Variants in RIMS1 observed in about 807,000 individuals in gnomAD.
The protein encoded by RIMS1 is regulating synaptic membrane exocytosis protein 1.
RIMS1 carries 83 observed loss-of-function variants against 214.1 expected under a neutral mutation model. The ratio of observed to expected loss-of-function variants is 0.39; its 90% CI spans 0.32 to 0.47. The LOEUF (loss-of-function observed/expected upper bound fraction) is 0.47. RIMS1 is among the 20% of genes least tolerant of loss of function. The pLI is 0.99. For missense variants in RIMS1, 2,050 were observed against 2,161.8 expected (o/e 0.95, Z 1.03); for synonymous variants, 793 against 786.8 (o/e 1.01, Z -0.13).
intron 1 of RIMS1, among the ~76,000 whole-genome samples, chr6:71,941,537 G>A (rs564656050): frequency 3.6e-4 from 55 of 152,216 alleles, no homozygotes; most frequent in African/African-American, 1.2e-3. Context: ...GGTCTAATAT[G>A]CAGGGTTTTC....
chr6:72,268,737 C>T (rs757012985), intron 22 of RIMS1, among the ~76,000 whole-genome samples: 1 of 152,038 alleles, frequency 6.6e-6, no homozygotes, highest in African/African-American at 2.4e-5. Context: ...GAAAGGAAAC[C>T]GTTTTAGTTT....
intron 27 of RIMS1, among the ~76,000 whole-genome samples, chr6:72,313,188 ATG>A (rs1434129592): frequency 6.6e-6 from 1 of 152,210 alleles, no homozygotes; most frequent in Non-Finnish European, 1.5e-5. Flanking sequence ...AGAGAAGCGT[ATG>A]TACTAGAAAA....
chr6:72,274,235 A>G (rs1191449619), intron 22 of RIMS1, 114 bp from the exon 23 acceptor site: 1 of 606,110 alleles, frequency 1.6e-6, no homozygotes, highest in Admixed American at 2.6e-5. Flanking sequence ...GGAGCAAAGA[A>G]TCTACACTTT....
chr6:72,161,805 C>T (rs4624836), intron 4 of RIMS1, among the ~76,000 whole-genome samples: 1 of 139,166 alleles, frequency 7.2e-6, no homozygotes, highest in African/African-American at 2.5e-5. Flanking sequence ...GCTTTACTTC[C>T]AACTATGTGG....
intron 4 of RIMS1, among the ~76,000 whole-genome samples, chr6:72,100,695 C>A (rs1216017405): frequency 2.6e-5 from 2 of 75,472 alleles, no homozygotes; most frequent in Non-Finnish European, 3.6e-5. Context: ...ATGAATTACA[C>A]CTTCATTTGG....
intron 2 of RIMS1, among the ~76,000 whole-genome samples, chr6:72,033,281 C>A (rs1239246198): frequency 1.3e-5 from 2 of 152,198 alleles, no homozygotes; most frequent in African/African-American, 4.8e-5. Flanking sequence ...AGTATGCTGA[C>A]CTCAGTGGCA....
intron 4 of RIMS1, among the ~76,000 whole-genome samples, chr6:72,121,056 C>G (rs1587507447): frequency 6.6e-6 from 1 of 151,806 alleles, no homozygotes; most frequent in Admixed American, 6.6e-5. Flanking sequence ...GTTACTGTAG[C>G]CTTGTAGTAT....
At chr6:71,956,904 C>T (rs918478231) in intron 1 of RIMS1, among the ~76,000 whole-genome samples, 6 of 152,118 alleles carry the variant, frequency 3.9e-5, no homozygotes, top group Non-Finnish European at 5.9e-5. Context: ...CAAATCCCAG[C>T]TCTGTAGGTC....
chr6:71,936,183 C>T (rs1210578404), intron 1 of RIMS1, among the ~76,000 whole-genome samples: 1 of 151,340 alleles, frequency 6.6e-6, no homozygotes, highest in African/African-American at 2.4e-5. Context: ...AAAAATTAGC[C>T]GGGCGTGGTA....
At chr6:72,048,558 T>A (rs1823723424) in intron 2 of RIMS1, among the ~76,000 whole-genome samples, 1 of 152,210 alleles carries the variant, frequency 6.6e-6, no homozygotes, top group African/African-American at 2.4e-5. Context: ...AAAAAAAGTT[T>A]GAGAAAAGAC....
chr6:71,905,509 G>A (rs1774998697), intron 1 of RIMS1, among the ~76,000 whole-genome samples: 1 of 152,088 alleles, frequency 6.6e-6, no homozygotes, highest in African/African-American at 2.4e-5. Flanking sequence ...ATGTAGGAGA[G>A]CACATGGAAT....
chr6:72,081,328 G>A (rs1254180755), intron 2 of RIMS1, among the ~76,000 whole-genome samples: 1 of 152,136 alleles, frequency 6.6e-6, no homozygotes, highest in African/African-American at 2.4e-5. Context: ...TGTTGACTTG[G>A]AATTAGATCA....
chr6:72,064,327 AAGAAAG>A (rs966824922), intron 2 of RIMS1, among the ~76,000 whole-genome samples: 41 of 128,970 alleles, frequency 3.2e-4, no homozygotes, highest in Middle Eastern at 3.8e-3. Flanking sequence ...GAAAGAAAGA[AAGAAAG>A]AGAGAGAGAG....
At chr6:72,147,363 G>A (rs897806118) in intron 4 of RIMS1, among the ~76,000 whole-genome samples, 6 of 152,134 alleles carry the variant, frequency 3.9e-5, no homozygotes, top group African/African-American at 1.4e-4. Context: ...TTGGATTACT[G>A]GCCTCAGGGT....
chr6:71,954,097 C>G lies in RIMS1; in HGVS notation c.165-14886C>G, dbSNP rs192173039. On this transcript the variant is annotated intron_variant, in intron 1 of 33. Coordinates refer to ENST00000521978, the MANE Select transcript of RIMS1 (RefSeq NM_014989.7). ...TTTCTAATTAAAATAATTTTTAAAG[C>G]CTTTGGTATGAGATGTTGCTGTTAG... 8.0e-4 allele frequency among the ~76,000 whole-genome samples: 122 copies of G among 152,062 alleles called. No homozygotes were observed. In the East Asian group the frequency reaches 0.019, roughly 24 times the overall value.
At chr6:72,100,124 C>A in intron 4 of RIMS1, 138 bp downstream of exon 4, 1 of 688,094 alleles carries the variant, frequency 1.5e-6, no homozygotes, top group Non-Finnish European at 2.4e-6. Context: ...TTCCAGCTCT[C>A]ATGAAAAAAA....
chr6:72,193,452 T>C (rs899819975), intron 6 of RIMS1, among the ~76,000 whole-genome samples: 2 of 152,178 alleles, frequency 1.3e-5, no homozygotes, highest in African/African-American at 4.8e-5. Context: ...ATCTCAGCCT[T>C]TACAAAATGA....
At chr6:71,925,171 C>T (rs1781240579) in intron 1 of RIMS1, among the ~76,000 whole-genome samples, 2 of 152,158 alleles carry the variant, frequency 1.3e-5, no homozygotes, top group Admixed American at 1.3e-4. Flanking sequence ...TTTCTGCCCT[C>T]TTTTATTTTG....
intron 6 of RIMS1, chr6:72,212,718 G>T: frequency 1.4e-6 from 1 of 693,346 alleles, no homozygotes; most frequent in Non-Finnish European, 1.8e-6. Context: ...AGAAGGAATG[G>T]CTAGGAGCAT....
Sources: allele counts gnomAD v4.1 joint callset (sites outside exome capture counted in the v4.1 genomes callset), GRCh38; gene constraint gnomAD v4.1.1; transcripts MANE v1.5; gene names NCBI Gene and HGNC (gene_info 2026-07-23, HGNC 2026-07-21).